Variants in SYAP1 observed in about 807,000 individuals in gnomAD.
The protein encoded by SYAP1 is synapse associated protein 1.
In SYAP1, 3 loss-of-function variants were observed where a neutral mutation model predicts 29.6. The ratio of observed to expected loss-of-function variants is 0.10; its 90% CI spans 0.05 to 0.26. The LOEUF is 0.26. Ranked by LOEUF, SYAP1 falls within the 10% of genes least tolerant of loss-of-function variation. The pLI is 1.00. For missense variants in SYAP1, 217 were observed against 264.1 expected, an observed-to-expected ratio of 0.82 and a Z score of 1.24; for synonymous variants, 102 against 102.7, an observed-to-expected ratio of 0.99 and a Z score of 0.04.
chrX:16,745,120 G>A (rs1473502214), intron 5 of SYAP1, among the ~76,000 whole-genome samples: 3 of 112,736 alleles, frequency 2.7e-5, no homozygotes, highest in Non-Finnish European at 3.8e-5. Context: ...TGAATGTGGG[G>A]ACAAGCCTTT....
chrX:16,729,381 G>T (rs1369770199), intron 1 of SYAP1, among the ~76,000 whole-genome samples: 1 of 111,384 alleles, frequency 9.0e-6, no homozygotes, highest in Non-Finnish European at 1.9e-5. Flanking sequence ...TGACCATAAG[G>T]TAAGATTTTT....
intron 5 of SYAP1, among the ~76,000 whole-genome samples, chrX:16,751,975 CTTT>C (rs773120810): frequency 1.8e-5 from 1 of 56,667 alleles, no homozygotes; most frequent in Non-Finnish European, 3.0e-5. Context: ...TGCACCCGGC[CTTT>C]TTTTTTTTTT....
rs1226818469 is a variant in SYAP1, at chrX:16,760,365, C to T, written c.*6C>T. ...TGCTTCAAGAGGAAAATTAGCTGTT[C>T]CTGAAATAGAAGAATAATCCTTAAC... On this transcript the variant is annotated 3_prime_UTR_variant, in exon 9 of 9. Transcript: ENST00000380155. 2 of 1,179,559 alleles carry T rather than the reference C, an allele frequency of 1.7e-6. No homozygotes were observed. The highest frequency in any genetic ancestry group is 4.0e-5 in the South Asian group (2 of 50,579).
chrX:16,753,403 G>A (rs1926779142), intron 5 of SYAP1, among the ~76,000 whole-genome samples: 1 of 110,014 alleles, frequency 9.1e-6, no homozygotes, highest in Non-Finnish European at 1.9e-5. Context: ...GACAGAGTGA[G>A]ACTTTGTCTC....
intron 1 of SYAP1, among the ~76,000 whole-genome samples, chrX:16,721,105 G>C (rs930882100): frequency 1.0e-5 from 1 of 97,401 alleles, no homozygotes; most frequent in Non-Finnish European, 2.0e-5. Flanking sequence ...TGCAACAAAG[G>C]TAGATACTAA....
At chrX:16,755,551 T>A (rs1926825281) in intron 6 of SYAP1, among the ~76,000 whole-genome samples, 1 of 110,041 alleles carries the variant, frequency 9.1e-6, no homozygotes, top group African/African-American at 3.3e-5. Context: ...TATACTTCTG[T>A]CCTCTACCCT....
intron 5 of SYAP1, among the ~76,000 whole-genome samples, chrX:16,746,256 A>ATTT (rs1926604125): frequency 1.2e-5 from 1 of 86,355 alleles, no homozygotes; most frequent in African/African-American, 4.4e-5. Context: ...TTTTTTTTTG[A>ATTT]GATGGAATCT....
rs760392533 is a variant in SYAP1, at chrX:16,734,952, TCACGCCACTG to T, written c.176-271_176-262del. Among the ~76,000 whole-genome samples, 40 of 90,404 alleles carry T rather than the reference TCACGCCACTG, an allele frequency of 4.4e-4. No homozygotes were observed. In the South Asian group the frequency reaches 7.3e-3, roughly 17 times the overall value. The allele number at this position is 90,404 out of a possible 115,157, so 78.5% of individuals were successfully genotyped here. On this transcript the variant is annotated intron_variant, in intron 1 of 8. Coordinates refer to ENST00000380155, the MANE Select transcript of SYAP1 (RefSeq NM_032796.4). ...AGGCAGAGCTTGCAGTGAGCTGAGATCACGCCACTGCACTCCAGCCTGGGTGACAGGGCGA... is the reference window on the plus strand; with the variant it reads ...AGGCAGAGCTTGCAGTGAGCTGAGATCACTCCAGCCTGGGTGACAGGGCGA...
intron 3 of SYAP1, 162 bp downstream of exon 3, chrX:16,736,394 C>T (rs942424152): frequency 5.0e-6 from 2 of 402,768 alleles, no homozygotes; most frequent in Non-Finnish European, 8.9e-6. Flanking sequence ...CATAAACTTC[C>T]ATGATTTAAA....
Position 16,719,721 on chromosome X carries a change from C to T in SYAP1, c.-4C>T. 2 of 1,203,758 alleles carry T rather than the reference C, an allele frequency of 1.7e-6. No homozygotes were observed. Among genetic ancestry groups the T allele is most frequent in the Non-Finnish European group, 2.2e-6 (2 of 892,612 alleles). ...CGGGACCGCGGCGGCGGCCCGCGAG[C>T]GGGATGTTCCGGGGCTTGAGCAGTT... On this transcript the variant is annotated 5_prime_UTR_variant, in exon 1 of 9. Coordinates refer to ENST00000380155, the MANE Select transcript of SYAP1 (RefSeq NM_032796.4).
chrX:16,757,197 T>C lies in SYAP1; in HGVS notation c.819T>C (p.Ser273=), dbSNP rs1478603625. ...EEEISTSPGV[S]EFVSDAFDAC... ...AAATTTCTACTAGCCCAGGTGTTTC[T>C]GAGTTTGTCAGTGATGCCTTCGATG... The change falls in exon 8 of 9, where the codon TCT becomes TCC. Residue 273 remains serine (S), a synonymous_variant. Transcript: ENST00000380155. The C allele has an allele frequency of 9.9e-6, 12 of 1,211,651 alleles. No individual in the cohort carries two copies. Among genetic ancestry groups the C allele is most frequent in the Non-Finnish European group, 1.3e-5 (12 of 895,289 alleles).
chrX:16,725,225 T>G (rs58211010), intron 1 of SYAP1, among the ~76,000 whole-genome samples: 6,049 of 112,439 alleles, frequency 0.054, 411 homozygotes, highest in African/African-American at 0.19. Flanking sequence ...TACATTTGAA[T>G]TTGACTTCCT....
chrX:16,741,655 C>A, intron 3 of SYAP1, 61 bp from the exon 4 acceptor site: 1 of 832,881 alleles, frequency 1.2e-6, no homozygotes, highest in Non-Finnish European at 1.7e-6. Flanking sequence ...CCATAGACTG[C>A]AGTGTAACCA....
chrX:16,755,617 A>C (rs1255885644), intron 6 of SYAP1, among the ~76,000 whole-genome samples: 1 of 110,604 alleles, frequency 9.0e-6, no homozygotes, highest in Non-Finnish European at 1.9e-5. Context: ...CAGTGTGTGT[A>C]GTCTGTAGAG....
chrX:16,735,082 C>T, intron 1 of SYAP1, 145 bp from the exon 2 acceptor site: 1 of 334,700 alleles, frequency 3.0e-6, no homozygotes, highest in South Asian at 9.4e-5. Context: ...GAAAGTGGTG[C>T]TTTTCATCAC....
At chrX:16,732,493 C>G (rs1207632382) in intron 1 of SYAP1, among the ~76,000 whole-genome samples, 2 of 108,787 alleles carry the variant, frequency 1.8e-5, no homozygotes, top group Non-Finnish European at 3.8e-5. Context: ...AGGATGGTCT[C>G]GATCTCCTGA....
intron 1 of SYAP1, among the ~76,000 whole-genome samples, chrX:16,729,876 A>G (rs1223050152): frequency 3.6e-5 from 4 of 111,805 alleles, no homozygotes; most frequent in Non-Finnish European, 1.9e-5. Context: ...TTCCTTTACA[A>G]TCAATCTTCC....
intron 1 of SYAP1, among the ~76,000 whole-genome samples, chrX:16,733,758 C>T (rs1469110662): frequency 1.8e-5 from 2 of 109,702 alleles, no homozygotes; most frequent in African/African-American, 3.3e-5. Context: ...CTCTGCCTCC[C>T]GGGTTCAAGC....
intron 1 of SYAP1, among the ~76,000 whole-genome samples, chrX:16,722,064 T>C (rs985079212): frequency 1.8e-5 from 2 of 111,608 alleles, no homozygotes; most frequent in African/African-American, 6.6e-5. Context: ...TTCTAGTTCA[T>C]ATACAAACTG....
Sources: gnomAD v4.1 joint callset for allele counts (sites outside exome capture counted in the v4.1 genomes callset) on GRCh38, gnomAD v4.1.1 for gene constraint, MANE v1.5 for transcripts, NCBI Gene and HGNC (gene_info 2026-07-23, HGNC 2026-07-21) for gene names.